Variants in SEC31B observed in about 807,000 individuals in gnomAD.
SEC31B encodes the protein protein transport protein Sec31B.
SEC31B carries 113 observed loss-of-function variants against 135.0 expected under a neutral mutation model. The observed-to-expected ratio is 0.84, with a 90% CI of 0.72 to 0.98. The LOEUF is 0.98. Among genes scored for constraint, SEC31B ranks in the 50% least tolerant of loss-of-function variants. The pLI is 0.00. For synonymous variants in SEC31B, 508 were observed against 549.4 expected (o/e 0.92, Z 1.05); for missense variants, 1,296 against 1,421.1 (o/e 0.91, Z 1.42).
chr10:100,488,570 C>T (rs1311952227), intron 24 of SEC31B, among the ~76,000 whole-genome samples: 2 of 152,076 alleles, frequency 1.3e-5, no homozygotes, highest in Non-Finnish European at 2.9e-5. Context: ...GCCGACACAG[C>T]CAGCAGGGGA....
intron 3 of SEC31B, among the ~76,000 whole-genome samples, chr10:100,512,283 G>A (rs1044979303): frequency 6.6e-6 from 1 of 152,200 alleles, no homozygotes; most frequent in Admixed American, 6.5e-5. Context: ...TGTATAGAGA[G>A]GGTAAGGTAC....
chr10:100,510,304 G>C (rs78830900), intron 3 of SEC31B, among the ~76,000 whole-genome samples: 1,558 of 152,390 alleles, frequency 0.01, 32 homozygotes, highest in African/African-American at 0.036. Context: ...TGGCCCACTG[G>C]AGTGGCCATG....
At chr10:100,490,416 AT>A (rs1851280191) in intron 20 of SEC31B, 94 bp from the exon 21 acceptor site, 6 of 1,246,690 alleles carry the variant, frequency 4.8e-6, no homozygotes, top group Admixed American at 5.9e-5. Flanking sequence ...CAATAAAAAA[AT>A]AATAAATGAT....
intron 1 of SEC31B, among the ~76,000 whole-genome samples, chr10:100,519,222 C>G (rs540026491): frequency 1.3e-3 from 194 of 152,318 alleles, no homozygotes; most frequent in African/African-American, 4.5e-3. Flanking sequence ...AAAATGGGCT[C>G]TTAATTCACA....
chr10:100,492,398 T>C (rs1010538014), intron 19 of SEC31B, among the ~76,000 whole-genome samples: 1 of 152,116 alleles, frequency 6.6e-6, no homozygotes, highest in Non-Finnish European at 1.5e-5. Flanking sequence ...TAATTTTATA[T>C]TTTTAGTAGA....
rs1372948346 is a variant in SEC31B at position 100,487,685 on chromosome 10, G to A, written c.3471C>T (p.Phe1157=). The change falls in exon 26 of 26, where the codon TTC becomes TTT. Residue 1157 remains phenylalanine (F), a synonymous_variant. Coordinates refer to ENST00000370345, the MANE Select transcript of SEC31B (RefSeq NM_015490.4). ...VHAQVAGCSS[F]SEVSSFMPIL... is the part of the protein sequence containing the mutation. ...TAGGCATGAAGCTGGACACCTCGCTGAAGCTGCTACAGCCCGCCACCTGGG... is the reference window on the plus strand; with the variant it reads ...TAGGCATGAAGCTGGACACCTCGCTAAAGCTGCTACAGCCCGCCACCTGGG... The A allele has an allele frequency of 1.2e-6, 2 of 1,613,900 alleles. No homozygotes were observed. Among genetic ancestry groups the A allele is most frequent in the South Asian group, 1.1e-5 (1 of 91,002 alleles).
intron 22 of SEC31B, 120 bp downstream of exon 22, chr10:100,489,583 G>A (rs1851259997): frequency 6.8e-7 from 1 of 1,462,780 alleles, no homozygotes; most frequent in African/African-American, 1.4e-5. Context: ...GGAAAGAAGA[G>A]TAAGTGGGAG....
intron 3 of SEC31B, among the ~76,000 whole-genome samples, chr10:100,513,105 G>A (rs1851764357): frequency 6.6e-6 from 1 of 152,182 alleles, no homozygotes; most frequent in Non-Finnish European, 1.5e-5. Flanking sequence ...ACCTAGACTG[G>A]AACAGAATGA....
chr10:100,509,709 A>G (rs1240185892), intron 3 of SEC31B, among the ~76,000 whole-genome samples, 198 bp from the exon 4 acceptor site: 4 of 152,076 alleles, frequency 2.6e-5, no homozygotes, highest in Non-Finnish European at 5.9e-5. Flanking sequence ...TGTTTCATCT[A>G]CGTTACACCA....
Position 100,505,444 on chromosome 10 carries a change from C to T in SEC31B, c.1096G>A (p.Glu366Lys), listed in dbSNP as rs1234438530. The change falls in exon 10 of 26, where the codon GAG (glutamate) becomes AAG (lysine). Residue 366 changes from glutamate to lysine, a missense_variant. Glu to Lys is a moderately conservative substitution (Grantham distance 56). Coordinates refer to ENST00000370345, the MANE Select transcript of SEC31B (RefSeq NM_015490.4). Reference protein sequence around the residue: ...GQPLPPLQVPEQVAQAPLIPP... With the variant: ...GQPLPPLQVPKQVAQAPLIPP... ...ATCAGTGGTGCTTGTGCCACTTGCT[C>T]TGGCACCTGCAGTGGTGGGAGAGGC... The T allele has an allele frequency of 6.3e-7, 1 of 1,595,978 alleles. No individual in the cohort carries two copies.
chr10:100,506,039 C>A lies in SEC31B; in HGVS notation c.1044+1G>T. Reference sequence around the variant, plus strand: ...AGCATTCTCTACCAAGCCCTTCAAACCTTGTCAGCCTGTCTCATATGCTGG... The same window carrying A: ...AGCATTCTCTACCAAGCCCTTCAAAACTTGTCAGCCTGTCTCATATGCTGG... On this transcript the variant is annotated splice_donor_variant, in intron 9 of 25. Coordinates refer to ENST00000370345, the MANE Select transcript of SEC31B (RefSeq NM_015490.4). LOFTEE classifies it high-confidence loss of function. 6.2e-7 allele frequency: 1 copy of A among 1,613,644 alleles called. No homozygotes were observed. Among genetic ancestry groups the A allele is most frequent in the Non-Finnish European group, 8.5e-7 (1 of 1,180,036 alleles).
Position 100,516,222 on chromosome 10 carries a change from A to T in SEC31B, c.80-3T>A, listed in dbSNP as rs778575697. The T allele has an allele frequency of 2.5e-6, 4 of 1,612,868 alleles. No individual in the cohort carries two copies. The African/African-American group carries it at 5.3e-5, about 22-fold the overall frequency. On this transcript the variant is annotated splice_polypyrimidine_tract_variant and splice_region_variant and intron_variant, in intron 2 of 25. Transcript: ENST00000370345. ...ATCTAGCTGTTGGGCAGATGTTCCT[A>T]GGCACAAGAAAAGGCAGCATATGAG... is the stretch of plus-strand genomic sequence containing the variant.
chr10:100,490,955 T>G, intron 19 of SEC31B, 72 bp from the exon 20 acceptor site: 2 of 1,122,422 alleles, frequency 1.8e-6, no homozygotes, highest in Non-Finnish European at 2.3e-6. Context: ...AGAAAAATAA[T>G]AGGGAAAATT....
intron 11 of SEC31B, 109 bp downstream of exon 11, chr10:100,502,145 C>T (rs1191600782): frequency 9.9e-6 from 8 of 808,210 alleles, no homozygotes; most frequent in East Asian, 2.4e-5. Context: ...GAGTTAAGGC[C>T]TCTGTGATCT....
intron 3 of SEC31B, among the ~76,000 whole-genome samples, chr10:100,514,030 C>T (rs1401004533): frequency 6.6e-6 from 1 of 151,608 alleles, no homozygotes; most frequent in Non-Finnish European, 1.5e-5. Flanking sequence ...ACTAATAATA[C>T]AAAAATTAGC....
chr10:100,496,520 A>G lies in SEC31B; in HGVS notation c.2137-89T>C, dbSNP rs543370469. 1.9e-4 allele frequency: 252 copies of G among 1,357,076 alleles called. No homozygotes were observed. The African/African-American group carries it at 2.9e-3, about 16-fold the overall frequency. 84.1% of individuals were successfully genotyped at this position (1,357,076 alleles called of 1,614,324 possible). A position where few individuals can be genotyped will look rare whatever the true frequency, so the allele number is the denominator to read the frequency against. ...GCAGCTCATTCAGGGATCTCCCACT[A>G]TGGGTACAGATGAGGGCACCTGACC... On this transcript the variant is annotated intron_variant, in intron 17 of 25. Transcript: ENST00000370345.
intron 16 of SEC31B, 166 bp from the exon 17 acceptor site, chr10:100,497,446 T>C (rs1851433307): frequency 7.5e-6 from 11 of 1,475,532 alleles, no homozygotes; most frequent in Non-Finnish European, 9.9e-6. Flanking sequence ...TCTCACATCA[T>C]GGTGTGACAA....
At chr10:100,501,402 A>G (rs918040294) in intron 11 of SEC31B, among the ~76,000 whole-genome samples, 5 of 152,154 alleles carry the variant, frequency 3.3e-5, no homozygotes, top group African/African-American at 1.2e-4. Context: ...TATCCTGCTT[A>G]TGACAAAAGC....
chr10:100,494,489 C>T, intron 19 of SEC31B, among the ~76,000 whole-genome samples: 1 of 152,156 alleles, frequency 6.6e-6, no homozygotes, highest in East Asian at 1.9e-4. Context: ...TGATCTAACT[C>T]CTACCTGTTG....
Sources: gnomAD v4.1 joint callset for allele counts (sites outside exome capture counted in the v4.1 genomes callset) on GRCh38, gnomAD v4.1.1 for gene constraint, MANE v1.5 for transcripts, NCBI Gene and HGNC (gene_info 2026-07-23, HGNC 2026-07-21) for gene names.